Variants in PAX3 observed in about 807,000 individuals in gnomAD.
PAX3 encodes paired box protein Pax-3.
PAX3 carries 14 observed loss-of-function variants against 51.6 expected under a neutral mutation model. The ratio of observed to expected loss-of-function variants is 0.27; its 90% confidence interval spans 0.18 to 0.42. PAX3 has a LOEUF of 0.42. Among genes scored for constraint, PAX3 ranks in the 10% least tolerant of loss-of-function variants. PAX3 has a pLI of 1.00. For missense variants in PAX3, 540 were observed against 642.8 expected (o/e 0.84, Z 1.73); for synonymous variants, 280 against 253.4 (o/e 1.11, Z -1.00).
At chr2:222,245,189 A>G (rs1309006157) in intron 4 of PAX3, among the ~76,000 whole-genome samples, 1 of 152,196 alleles carries the variant, frequency 6.6e-6, no homozygotes, top group East Asian at 1.9e-4. Flanking sequence ...TAAGGTAGCT[A>G]TGAAAGTAAA....
intron 4 of PAX3, among the ~76,000 whole-genome samples, chr2:222,291,039 C>G (rs757404263): frequency 2.6e-5 from 4 of 151,846 alleles, no homozygotes; most frequent in East Asian, 1.9e-4. Flanking sequence ...AGCTTCGAGC[C>G]GGCCAGAGAG....
chr2:222,211,012 G>A (rs188951828), intron 7 of PAX3, among the ~76,000 whole-genome samples: 1 of 152,122 alleles, frequency 6.6e-6, no homozygotes, highest in Non-Finnish European at 1.5e-5. Context: ...GAGTACAGGT[G>A]CAGGCCACCA....
intron 4 of PAX3, among the ~76,000 whole-genome samples, chr2:222,234,637 T>C (rs1411250914): frequency 6.6e-6 from 1 of 152,200 alleles, no homozygotes; most frequent in Non-Finnish European, 1.5e-5. Flanking sequence ...TCCAAGAGTT[T>C]GCATGTCTAA....
At position 222,201,305 on chromosome 2, in the gene PAX3, C is replaced by G. The variant is rs949381555; in HGVS notation, c.*103G>C. 18 of 1,613,014 alleles carry G rather than the reference C, an allele frequency of 1.1e-5. No individual in the cohort carries two copies. In the East Asian group the frequency reaches 2.7e-4, roughly 24 times the overall value. Reference sequence around the variant, plus strand: ...TATTGGGACCACTGCCCCACCCCCCCCAACAAAAGGGTAATTTTTTTTTGT... The same window carrying G: ...TATTGGGACCACTGCCCCACCCCCCGCAACAAAAGGGTAATTTTTTTTTGT... On this transcript the variant is annotated 3_prime_UTR_variant, in exon 9 of 9. Transcript: ENST00000392070.
At chr2:222,208,295 G>A (rs1691591385) in intron 7 of PAX3, among the ~76,000 whole-genome samples, 1 of 134,864 alleles carries the variant, frequency 7.4e-6, no homozygotes, top group South Asian at 2.2e-4. Context: ...GGGGACTATA[G>A]CAAATATTTT....
intron 2 of PAX3, 54 bp downstream of exon 2, chr2:222,296,924 C>A: frequency 6.8e-7 from 1 of 1,464,158 alleles, no homozygotes; most frequent in Non-Finnish European, 9.4e-7. Context: ...CCGGTCTTCC[C>A]CAACACAGGG....
At chr2:222,298,403 TG>T (rs1695421225) in intron 1 of PAX3, 127 bp downstream of exon 1, 4 of 724,980 alleles carry the variant, frequency 5.5e-6, no homozygotes, top group Non-Finnish European at 9.6e-6. Context: ...TGGTGCTTCT[TG>T]GGGTGTGGGG....
chr2:222,298,747 A>C lies in PAX3; in HGVS notation c.-132T>G, dbSNP rs1197650246. On this transcript the variant is annotated 5_prime_UTR_variant, in exon 1 of 9. Coordinates refer to ENST00000392070, the MANE Select transcript of PAX3 (RefSeq NM_181458.4). ...CCCCAAAACGGCTGGAGAGAGAGGG[A>C]GGGACGCGGGGAGGGGGGCTGTCGG... The C allele has an allele frequency of 1.1e-6, 1 of 872,714 alleles. No individual in the cohort carries two copies. The allele number at this position is 872,714 out of a possible 1,614,324, so 54.1% of individuals were successfully genotyped here.
At chr2:222,270,256 G>T (rs1694202901) in intron 4 of PAX3, among the ~76,000 whole-genome samples, 1 of 152,186 alleles carries the variant, frequency 6.6e-6, no homozygotes, top group African/African-American at 2.4e-5. Flanking sequence ...CTCAAGCTCC[G>T]ACTAGCATCC....
intron 4 of PAX3, among the ~76,000 whole-genome samples, chr2:222,257,155 C>T (rs1360682607): frequency 6.6e-6 from 1 of 151,952 alleles, no homozygotes; most frequent in Non-Finnish European, 1.5e-5. Flanking sequence ...TCTCCAGGTG[C>T]CTTGCTCTTA....
In PAX3 at chr2:222,277,361, AC is replaced by A. The variant is rs1319112099; in HGVS notation, c.586+16805del. Reference sequence around the variant, plus strand: ...CCTCAGAAACAAATCACAGAAACAAACCTCAAAGGTGAGATTCCCATAGGTT... The same window carrying A: ...CCTCAGAAACAAATCACAGAAACAAACTCAAAGGTGAGATTCCCATAGGTT... On this transcript the variant is annotated intron_variant, in intron 4 of 8. Coordinates refer to ENST00000392070, the MANE Select transcript of PAX3 (RefSeq NM_181458.4). Among the ~76,000 whole-genome samples the A allele has an allele frequency of 1.1e-4, 16 of 152,320 alleles. No homozygotes were observed. The East Asian group carries it at 3.1e-3, about 29-fold the overall frequency.
intron 4 of PAX3, among the ~76,000 whole-genome samples, chr2:222,241,697 G>A (rs1304119219): frequency 6.6e-6 from 1 of 152,238 alleles, no homozygotes; most frequent in African/African-American, 2.4e-5. Flanking sequence ...CATTTTGTCA[G>A]CACAGCTTGA....
chr2:222,273,040 C>T (rs1694305652), intron 4 of PAX3, among the ~76,000 whole-genome samples: 1 of 152,164 alleles, frequency 6.6e-6, no homozygotes. Flanking sequence ...TAAGTTGATG[C>T]TGTTATTGTA....
At chr2:222,293,790 G>T in intron 4 of PAX3, 1 of 1,614,104 alleles carries the variant, frequency 6.2e-7, no homozygotes, top group Non-Finnish European at 8.5e-7. Flanking sequence ...AACTTCTGAA[G>T]ATTCAAGTAC....
intron 4 of PAX3, chr2:222,263,464 A>G (rs574813955): frequency 1.3e-5 from 2 of 152,202 alleles, no homozygotes; most frequent in Non-Finnish European, 1.5e-5. Flanking sequence ...ATAAAAAAAT[A>G]TTGACAATAC....
intron 4 of PAX3, among the ~76,000 whole-genome samples, chr2:222,256,790 G>A (rs1693663165): frequency 6.6e-6 from 1 of 152,194 alleles, no homozygotes; most frequent in South Asian, 2.1e-4. Flanking sequence ...ATCTCAGAAA[G>A]CAGTCATTGC....
At chr2:222,291,453 A>G (rs772786945) in intron 4 of PAX3, among the ~76,000 whole-genome samples, 1 of 152,210 alleles carries the variant, frequency 6.6e-6, no homozygotes, top group Non-Finnish European at 1.5e-5. Context: ...TCTTGAATTG[A>G]GCGAGGGAAA....
intron 3 of PAX3, 103 bp from the exon 4 acceptor site, chr2:222,294,404 G>A (rs1030370756): frequency 4.1e-5 from 54 of 1,303,700 alleles, no homozygotes; most frequent in Non-Finnish European, 5.5e-5. Context: ...CAGGGCCCTA[G>A]AGCCGCTGCC....
chr2:222,241,740 C>T (rs983540000), intron 4 of PAX3, among the ~76,000 whole-genome samples: 4 of 152,122 alleles, frequency 2.6e-5, no homozygotes, highest in South Asian at 2.1e-4. Flanking sequence ...TGTGACAACT[C>T]GTAGATATTC....
Sources: allele counts gnomAD v4.1 joint callset (sites outside exome capture counted in the v4.1 genomes callset), GRCh38; gene constraint gnomAD v4.1.1; transcripts MANE v1.5; gene names NCBI Gene and HGNC (gene_info 2026-07-23, HGNC 2026-07-21).